MEMO1: variants seen among roughly 807,000 people sequenced by gnomAD.
MEMO1 encodes the protein mediator of cell motility 1.
MEMO1 carries 6 observed loss-of-function variants against 45.2 expected under a neutral mutation model. The observed-to-expected ratio is 0.13, with a 90% CI of 0.07 to 0.26. MEMO1 has a LOEUF of 0.26. Ranked by LOEUF, MEMO1 falls within the 10% of genes least tolerant of loss-of-function variation. The pLI, the probability that MEMO1 is intolerant of heterozygous loss-of-function variation, is 1.00. For missense variants in MEMO1, 184 were observed against 370.5 expected, an observed-to-expected ratio of 0.50 and a Z score of 4.13; for synonymous variants, 78 against 124.3, an observed-to-expected ratio of 0.63 and a Z score of 2.48.
intron 3 of MEMO1, among the ~76,000 whole-genome samples, chr2:31,942,782 A>T (rs1462065301): frequency 6.6e-6 from 1 of 152,132 alleles, no homozygotes; most frequent in African/African-American, 2.4e-5. Context: ...TTGGCCTCTC[A>T]AAGTGCTGGA....
chr2:31,943,468 T>G, intron 2 of MEMO1, 85 bp from the exon 3 acceptor site: 1 of 943,544 alleles, frequency 1.1e-6, no homozygotes. Flanking sequence ...TCACTGAACT[T>G]ATGTGGGACT....
chr2:31,989,469 G>A (rs935016619), intron 2 of MEMO1, among the ~76,000 whole-genome samples: 2 of 152,078 alleles, frequency 1.3e-5, no homozygotes, highest in African/African-American at 2.4e-5. Flanking sequence ...GAAGATCTGC[G>A]TAACTCAATA....
intron 8 of MEMO1, among the ~76,000 whole-genome samples, chr2:31,882,075 T>A (rs1024071187): frequency 1.3e-5 from 2 of 151,814 alleles, no homozygotes; most frequent in Non-Finnish European, 2.9e-5. Context: ...GCCCGGGAAG[T>A]AGAGGCTACA....
chr2:31,927,827 G>C (rs1378773845), intron 4 of MEMO1, among the ~76,000 whole-genome samples: 1 of 151,990 alleles, frequency 6.6e-6, no homozygotes, highest in African/African-American at 2.4e-5. Context: ...GTCTACATTT[G>C]GTGTCCTTAA....
At chr2:31,888,892 A>T (rs754481577) in intron 7 of MEMO1, among the ~76,000 whole-genome samples, 1 of 152,092 alleles carries the variant, frequency 6.6e-6, no homozygotes, top group Non-Finnish European at 1.5e-5. Context: ...AGAAAACTTG[A>T]GAGTACTTCA....
At chr2:32,008,299 C>T (rs562612932) in intron 2 of MEMO1, among the ~76,000 whole-genome samples, 1 of 152,302 alleles carries the variant, frequency 6.6e-6, no homozygotes, top group East Asian at 1.9e-4. Context: ...AAACATTGAA[C>T]TTCTGGCCTG....
intron 6 of MEMO1, among the ~76,000 whole-genome samples, chr2:31,901,372 C>T (rs551361175): frequency 0.063 from 1,167 of 18,506 alleles, 12 homozygotes; most frequent in Admixed American, 0.095. Context: ...GACTCTGTCT[C>T]ACAAAAAAAA....
chr2:31,909,767 T>C (rs1013912360), intron 6 of MEMO1, among the ~76,000 whole-genome samples: 4 of 152,082 alleles, frequency 2.6e-5, no homozygotes, highest in Admixed American at 2.0e-4. Flanking sequence ...AATCCTAAAA[T>C]TTATAAAAGG....
chr2:31,964,917 G>A (rs986123657), intron 2 of MEMO1, among the ~76,000 whole-genome samples: 6 of 151,630 alleles, frequency 4.0e-5, no homozygotes. Flanking sequence ...GTCTGCAGAT[G>A]AAATGATATG....
At chr2:31,925,899 T>C (rs1010946663) in intron 4 of MEMO1, among the ~76,000 whole-genome samples, 1 of 152,176 alleles carries the variant, frequency 6.6e-6, no homozygotes, top group African/African-American at 2.4e-5. Context: ...CAATCTGTGG[T>C]GATAAAACAT....
intron 6 of MEMO1, among the ~76,000 whole-genome samples, chr2:31,916,037 G>T (rs770868579): frequency 1.1e-4 from 17 of 152,084 alleles, no homozygotes; most frequent in African/African-American, 1.9e-4. Context: ...AATGTAATGT[G>T]GCAGTAGTTT....
intron 2 of MEMO1, among the ~76,000 whole-genome samples, chr2:31,970,033 G>A (rs967954324): frequency 3.9e-5 from 6 of 151,984 alleles, no homozygotes; most frequent in Non-Finnish European, 8.8e-5. Flanking sequence ...GTGCAGTGGC[G>A]CCATCTCAGT....
intron 2 of MEMO1, among the ~76,000 whole-genome samples, chr2:31,976,161 T>C (rs1205959765): frequency 6.6e-6 from 1 of 152,202 alleles, no homozygotes; most frequent in Non-Finnish European, 1.5e-5. Flanking sequence ...AAGCAAATTC[T>C]CACAGTTTAA....
At chr2:31,999,457 G>GT (rs1402639694) in intron 2 of MEMO1, among the ~76,000 whole-genome samples, 1 of 152,092 alleles carries the variant, frequency 6.6e-6, no homozygotes, top group Non-Finnish European at 1.5e-5. Context: ...CAGTCCACAA[G>GT]TTTAAGACCA....
At chr2:31,925,180 A>C (rs1317485860) in intron 4 of MEMO1, among the ~76,000 whole-genome samples, 1 of 152,092 alleles carries the variant, frequency 6.6e-6, no homozygotes, top group African/African-American at 2.4e-5. Flanking sequence ...ACCCTGGCTT[A>C]AAAAATGTGT....
At chr2:31,957,300 G>C (rs1367377155) in intron 2 of MEMO1, among the ~76,000 whole-genome samples, 2 of 152,090 alleles carry the variant, frequency 1.3e-5, no homozygotes, top group Non-Finnish European at 2.9e-5. Context: ...AAAAAATATG[G>C]TGCAATCATA....
In MEMO1 at chr2:31,989,763, C is replaced by G. The variant is rs576163822; in HGVS notation, c.61+20424G>C. ...TGATTTTTTTTAAAAAAGGAACTAC[C>G]GCATGTAGAGTTTCAGTATAGCGTT... On this transcript the variant is annotated intron_variant, in intron 2 of 9. Coordinates refer to ENST00000404530, the MANE Select transcript of MEMO1 (RefSeq NM_001301833.4). 3.9e-5 allele frequency among the ~76,000 whole-genome samples: 6 copies of G among 152,136 alleles called. No individual in the cohort carries two copies. In the South Asian group the frequency reaches 6.2e-4, roughly 16 times the overall value.
intron 2 of MEMO1, among the ~76,000 whole-genome samples, chr2:31,948,487 T>C (rs1396919440): frequency 1.3e-5 from 2 of 152,206 alleles, no homozygotes; most frequent in East Asian, 3.8e-4. Context: ...TTCTGTGAAA[T>C]ATGTTCAAAT....
At position 31,869,936 on chromosome 2, in the gene MEMO1, T is replaced by G; in HGVS notation, c.674A>C (p.Glu225Ala). The stretch of plus-strand genomic sequence containing the variant: ...GCTAAAAGATACAGGGTCTAATTGT[T>G]CTATAATACTCATACCCTAAAAAAA... ...HLDKMGMSII[E>A]QLDPVSFSNY... Residue 225 changes from glutamate to alanine, a missense_variant, in exon 9 of 10, where the codon GAA becomes GCA. Glu to Ala is a moderately radical substitution (Grantham distance 107, BLOSUM62 -1). Transcript: ENST00000404530. The G allele has an allele frequency of 6.5e-7, 1 of 1,535,070 alleles. No individual in the cohort carries two copies. Among genetic ancestry groups the G allele is most frequent in the Non-Finnish European group, 8.7e-7 (1 of 1,149,920 alleles).
Sources: gnomAD v4.1 joint callset for allele counts (sites outside exome capture counted in the v4.1 genomes callset) on GRCh38, gnomAD v4.1.1 for gene constraint, MANE v1.5 for transcripts, NCBI Gene and HGNC (gene_info 2026-07-23, HGNC 2026-07-21) for gene names.